SGCZ: variants seen among roughly 807,000 people sequenced by gnomAD.
SGCZ encodes zeta-sarcoglycan.
SGCZ carries 40 observed loss-of-function variants against 41.3 expected under a neutral mutation model. The ratio of observed to expected loss-of-function variants is 0.97; its 90% CI spans 0.75 to 1.26. The LOEUF is 1.26. Ranked by LOEUF, SGCZ falls within the 50% of genes most tolerant of loss-of-function variation. SGCZ has a pLI of 0.00. For missense variants in SGCZ, 552 were observed against 369.8 expected (o/e 1.49, Z -4.04); for synonymous variants, 206 against 137.5 (o/e 1.50, Z -3.49).
At chr8:15,088,326 AT>A (rs1380328328) in intron 1 of SGCZ, among the ~76,000 whole-genome samples, 2 of 152,144 alleles carry the variant, frequency 1.3e-5, no homozygotes, top group African/African-American at 4.8e-5. Flanking sequence ...TTAAATGTCT[AT>A]GGCATTTAAT....
At chr8:14,257,738 T>A (rs886985281) in intron 3 of SGCZ, among the ~76,000 whole-genome samples, 2 of 151,750 alleles carry the variant, frequency 1.3e-5, no homozygotes, top group African/African-American at 4.8e-5. Context: ...TGGTGTTTGG[T>A]TTTTTGTCCT....
chr8:14,938,080 A>G (rs1478882226), intron 1 of SGCZ, among the ~76,000 whole-genome samples: 2 of 152,156 alleles, frequency 1.3e-5, no homozygotes, highest in South Asian at 2.1e-4. Flanking sequence ...TAACACATAT[A>G]TACATAATGA....
At chr8:14,368,156 T>C (rs1255251173) in intron 2 of SGCZ, among the ~76,000 whole-genome samples, 1 of 152,086 alleles carries the variant, frequency 6.6e-6, no homozygotes, top group Non-Finnish European at 1.5e-5. Context: ...AAATGGTTCT[T>C]TCAATTTAAT....
intron 1 of SGCZ, among the ~76,000 whole-genome samples, chr8:15,036,253 T>C (rs903116713): frequency 3.3e-5 from 5 of 151,930 alleles, no homozygotes; most frequent in African/African-American, 4.8e-5. Flanking sequence ...AAGAAATAAG[T>C]TCTTAGACAC....
chr8:14,161,238 C>A (rs1804036441), intron 5 of SGCZ: 2 of 152,162 alleles, frequency 1.3e-5, no homozygotes, highest in Admixed American at 1.3e-4. Flanking sequence ...TTTTTTTCCT[C>A]TAAGCACATG....
At chr8:14,956,980 C>T (rs1157845635) in intron 1 of SGCZ, among the ~76,000 whole-genome samples, 2 of 152,070 alleles carry the variant, frequency 1.3e-5, no homozygotes. Flanking sequence ...CACACACACA[C>T]TCACACATAC....
chr8:14,204,123 G>A (rs548754444), intron 4 of SGCZ, among the ~76,000 whole-genome samples: 8 of 152,158 alleles, frequency 5.3e-5, no homozygotes, highest in East Asian at 1.9e-4. Context: ...GTTTCGGACC[G>A]TCTTCGGCAA....
rs749474145 is a variant in SGCZ at position 14,977,369 on chromosome 8, C to G, written c.39+260216G>C. Among the ~76,000 whole-genome samples, 121 of 152,290 alleles carry G rather than the reference C, an allele frequency of 7.9e-4. 1 individual carries two copies. The highest frequency in any genetic ancestry group is 2.2e-3 in the African/African-American group (91 of 41,554). Reference sequence around the variant, plus strand: ...AATGACTAATGAGACAATCCATGTACCCAGCACTAAACAGCTATTTAATAT... The same window carrying G: ...AATGACTAATGAGACAATCCATGTAGCCAGCACTAAACAGCTATTTAATAT... On this transcript the variant is annotated intron_variant, in intron 1 of 7. Coordinates refer to ENST00000382080, the MANE Select transcript of SGCZ (RefSeq NM_139167.4).
At chr8:14,126,976 T>TG (rs1184341347) in intron 5 of SGCZ, among the ~76,000 whole-genome samples, 1 of 151,192 alleles carries the variant, frequency 6.6e-6, no homozygotes, top group South Asian at 2.1e-4. Context: ...TGGGGCCATC[T>TG]GGGGGGTCAG....
chr8:14,878,422 G>A (rs1375652714), intron 1 of SGCZ, among the ~76,000 whole-genome samples: 1 of 152,096 alleles, frequency 6.6e-6, no homozygotes, highest in African/African-American at 2.4e-5. Flanking sequence ...GGAAAAAAAG[G>A]AAAGCACATA....
chr8:14,816,301 G>A (rs1434335476), intron 1 of SGCZ, among the ~76,000 whole-genome samples: 1 of 152,146 alleles, frequency 6.6e-6, no homozygotes, highest in Non-Finnish European at 1.5e-5. Context: ...ATGCTCTGAT[G>A]AGGCTGGAGG....
chr8:14,358,796 A>G (rs1467788512), intron 2 of SGCZ, among the ~76,000 whole-genome samples: 1 of 152,082 alleles, frequency 6.6e-6, no homozygotes, highest in East Asian at 1.9e-4. Flanking sequence ...TTTTTAGTAG[A>G]GATGGGGTTT....
chr8:14,989,235 T>C (rs981821842), intron 1 of SGCZ, among the ~76,000 whole-genome samples: 27 of 152,184 alleles, frequency 1.8e-4, no homozygotes, highest in Non-Finnish European at 8.8e-5. Flanking sequence ...CTGAGAGGTA[T>C]GTCAGTAGTA....
chr8:15,109,516 T>A (rs1806964997), intron 1 of SGCZ, among the ~76,000 whole-genome samples: 1 of 152,020 alleles, frequency 6.6e-6, no homozygotes, highest in Non-Finnish European at 1.5e-5. Flanking sequence ...TTGCAATGAG[T>A]CACAGAAGAT....
At chr8:14,589,212 G>T (rs935179951) in intron 1 of SGCZ, among the ~76,000 whole-genome samples, 1 of 151,920 alleles carries the variant, frequency 6.6e-6, no homozygotes, top group African/African-American at 2.4e-5. Context: ...TGGGTGTGCT[G>T]GTGCATGCCT....
At chr8:14,486,849 A>G (rs554792695) in intron 2 of SGCZ, among the ~76,000 whole-genome samples, 5 of 152,246 alleles carry the variant, frequency 3.3e-5, no homozygotes, top group Non-Finnish European at 2.9e-5. Context: ...AAAGTTAATT[A>G]TTAAGGTGCA....
chr8:14,858,872 T>C (rs1803629720), intron 1 of SGCZ, among the ~76,000 whole-genome samples: 1 of 152,178 alleles, frequency 6.6e-6, no homozygotes, highest in Non-Finnish European at 1.5e-5. Context: ...GTTGATCTAA[T>C]AGTGGTAGGT....
intron 1 of SGCZ, among the ~76,000 whole-genome samples, chr8:14,769,801 A>AAAAAAAAAAAAAC: frequency 6.7e-6 from 1 of 149,458 alleles, no homozygotes; most frequent in African/African-American, 2.5e-5. Context: ...ATTAAAAAAA[A>AAAAAAAAAAAAAC]AAAAAAAAAA....
chr8:14,827,203 A>C, intron 1 of SGCZ, among the ~76,000 whole-genome samples: 1 of 150,328 alleles, frequency 6.7e-6, no homozygotes, highest in East Asian at 1.9e-4. Context: ...AGGATTGTTA[A>C]GTCTCTGTTT....
Sources: allele counts gnomAD v4.1 joint callset (sites outside exome capture counted in the v4.1 genomes callset), GRCh38; gene constraint gnomAD v4.1.1; transcripts MANE v1.5; gene names NCBI Gene and HGNC (gene_info 2026-07-23, HGNC 2026-07-21).